The following NRG1 variants were observed in gnomAD, a reference collection of about 807,000 sequenced individuals.
NRG1 encodes pro-neuregulin-1, membrane-bound isoform.
A neutral mutation model predicts 63.8 loss-of-function variants in NRG1; 18 were observed. The observed-to-expected ratio is 0.28, with a 90% confidence interval of 0.19 to 0.42. The LOEUF (loss-of-function observed/expected upper bound fraction) is 0.42, where lower values mean the gene tolerates loss of function less well. Among genes scored for constraint, NRG1 ranks in the 10% least tolerant of loss-of-function variants. The pLI, the probability that NRG1 is intolerant of heterozygous loss-of-function variation, is 1.00. For synonymous variants in NRG1, 302 were observed against 301.3 expected (o/e 1.00, Z -0.02); for missense variants, 762 against 814.7 (o/e 0.94, Z 0.79).
intron 1 of NRG1, among the ~76,000 whole-genome samples, chr8:31,689,102 T>G (rs183041816): frequency 6.6e-6 from 1 of 152,350 alleles, no homozygotes; most frequent in East Asian, 1.9e-4. Flanking sequence ...ACTTCAAGAA[T>G]CCTTGTAATT....
intron 1 of NRG1, among the ~76,000 whole-genome samples, chr8:32,237,376 A>G (rs1847673698): frequency 1.3e-5 from 2 of 152,294 alleles, no homozygotes; most frequent in Non-Finnish European, 1.5e-5. Flanking sequence ...CCCCTGGAAC[A>G]TAATGAAAAC....
At chr8:32,133,829 TA>T (rs1401191193) in intron 1 of NRG1, among the ~76,000 whole-genome samples, 1 of 152,134 alleles carries the variant, frequency 6.6e-6, no homozygotes, top group African/African-American at 2.4e-5. Context: ...ATCTTCAAAT[TA>T]AAAAGTAGTG....
At chr8:31,780,647 C>T (rs1819595027) in intron 1 of NRG1, among the ~76,000 whole-genome samples, 1 of 152,168 alleles carries the variant, frequency 6.6e-6, no homozygotes, top group South Asian at 2.1e-4. Context: ...AGCAAAGGTT[C>T]CTGCCATTTT....
intron 1 of NRG1, among the ~76,000 whole-genome samples, chr8:31,905,248 A>G (rs1449329539): frequency 2.6e-5 from 4 of 152,134 alleles, no homozygotes; most frequent in Non-Finnish European, 5.9e-5. Context: ...CCTTTTCCAC[A>G]AACAAGCCTG....
chr8:32,725,085 G>A (rs1196608785), intron 5 of NRG1, among the ~76,000 whole-genome samples: 2 of 152,098 alleles, frequency 1.3e-5, no homozygotes, highest in Non-Finnish European at 2.9e-5. Context: ...TCTATGTGTT[G>A]CTTATGTCAC....
intron 5 of NRG1, among the ~76,000 whole-genome samples, chr8:32,682,537 T>A (rs1808953346): frequency 6.6e-6 from 1 of 152,188 alleles, no homozygotes; most frequent in Admixed American, 6.5e-5. Flanking sequence ...TTTTTCTAAA[T>A]ACATTGGCTG....
At position 32,560,294 on chromosome 8, in the gene NRG1, T is replaced by TA. The variant is rs1176890560; in HGVS notation, c.100+11476dup. ...TATTTTGGCACTCATGTATTTTAAT[T>TA]AAAAAAAATAAATAAACCATTGTCC... On this transcript the variant is annotated intron_variant, in intron 1 of 11. Coordinates refer to ENST00000356819, the Ensembl canonical transcript of NRG1. Among the ~76,000 whole-genome samples the TA allele has an allele frequency of 3.4e-4, 52 of 151,986 alleles. 1 individual carries two copies. The East Asian group carries it at 6.4e-3, about 19-fold the overall frequency.
intron 1 of NRG1, among the ~76,000 whole-genome samples, chr8:31,789,883 A>G (rs566883829): frequency 1.3e-5 from 2 of 152,332 alleles, no homozygotes; most frequent in Admixed American, 1.3e-4. Flanking sequence ...TGATAACCAG[A>G]TTCAAGATTA....
intron 1 of NRG1, among the ~76,000 whole-genome samples, chr8:31,812,014 A>T (rs1822934937): frequency 6.6e-6 from 1 of 152,132 alleles, no homozygotes; most frequent in South Asian, 2.1e-4. Context: ...ATAACTTCCT[A>T]GATAGAAATA....
rs180754832 is a variant in NRG1 at position 32,477,012 on chromosome 8, A to G, written c.38-118816A>G. Reference sequence around the variant, plus strand: ...GCAGCAAATGCCCAAATGGAAGACAATGTATGTAGATCAAAGAAGCCGATG... The same window carrying G: ...GCAGCAAATGCCCAAATGGAAGACAGTGTATGTAGATCAAAGAAGCCGATG... On this transcript the variant is annotated intron_variant, in intron 1 of 10. Transcript: ENST00000519301. Among the ~76,000 whole-genome samples the G allele has an allele frequency of 2.0e-4, 31 of 152,336 alleles. No homozygotes were observed. The East Asian group carries it at 4.4e-3, about 22-fold the overall frequency.
intron 1 of NRG1, among the ~76,000 whole-genome samples, chr8:31,943,972 T>C (rs1802152272): frequency 6.6e-6 from 1 of 152,204 alleles, no homozygotes; most frequent in African/African-American, 2.4e-5. Flanking sequence ...TGACTATTAC[T>C]TGTTTATCAA....
intron 1 of NRG1, among the ~76,000 whole-genome samples, chr8:32,271,174 C>T (rs113185879): frequency 1.3e-3 from 202 of 152,146 alleles, no homozygotes; most frequent in African/African-American, 4.7e-3. Context: ...CCAAAAACTG[C>T]GTGAATATAT....
intron 1 of NRG1, among the ~76,000 whole-genome samples, chr8:32,319,935 T>C (rs980277319): frequency 3.9e-5 from 6 of 152,186 alleles, no homozygotes; most frequent in Non-Finnish European, 5.9e-5. Context: ...TGCATTAATG[T>C]ATGTTTCAGT....
rs1040779029 is a variant in NRG1, at chr8:32,687,132, T to C, written c.503-40817T>C. On this transcript the variant is annotated intron_variant, in intron 5 of 11. Transcript: ENST00000356819. ...GCAACCACTTTAGCATACCACTCTA[T>C]ATTAATAGAATAGAAAAGATAATTA... Among the ~76,000 whole-genome samples, 13 of 152,278 alleles carry C rather than the reference T, an allele frequency of 8.5e-5. 1 individual carries two copies. The South Asian group carries it at 2.7e-3, about 32-fold the overall frequency.
rs555760479 is a variant in NRG1, at chr8:32,384,297, G to A, written c.38-211531G>A. 1.4e-4 allele frequency among the ~76,000 whole-genome samples: 21 copies of A among 152,224 alleles called. No homozygotes were observed. In the South Asian group the frequency reaches 4.2e-3, roughly 30 times the overall value. ...AACTGTAAATGGTACAAATATAAAA[G>A]AGCAATACTAACGACAAATAATAAT... On this transcript the variant is annotated intron_variant, in intron 1 of 10. Transcript: ENST00000519301.
At chr8:32,730,096 T>C (rs935013397) in intron 6 of NRG1, among the ~76,000 whole-genome samples, 1 of 152,100 alleles carries the variant, frequency 6.6e-6, no homozygotes, top group Non-Finnish European at 1.5e-5. Flanking sequence ...CGGAAATAAA[T>C]AATTTTTATA....
intron 1 of NRG1, among the ~76,000 whole-genome samples, chr8:32,474,525 A>C (rs1587855587): frequency 3.8e-5 from 5 of 130,902 alleles, no homozygotes; most frequent in South Asian, 2.3e-4. Context: ...ACGGAGTCTC[A>C]CTCTGCCGCC....
At chr8:31,866,097 C>A (rs557627045) in intron 1 of NRG1, among the ~76,000 whole-genome samples, 1 of 152,276 alleles carries the variant, frequency 6.6e-6, no homozygotes, top group East Asian at 1.9e-4. Flanking sequence ...AAAGTGCCAT[C>A]TTCCTTCTCT....
chr8:32,464,001 T>C (rs1457726266), intron 1 of NRG1, among the ~76,000 whole-genome samples: 1 of 142,942 alleles, frequency 7.0e-6, no homozygotes, highest in Non-Finnish European at 1.5e-5. Flanking sequence ...CAAGTGATTC[T>C]CCTGCCTCAG....
Sources: allele counts gnomAD v4.1 joint callset (sites outside exome capture counted in the v4.1 genomes callset), GRCh38; gene constraint gnomAD v4.1.1; transcripts MANE v1.5; gene names NCBI Gene and HGNC (gene_info 2026-07-23, HGNC 2026-07-21).